Variants in CAPN11 observed in about 807,000 individuals in gnomAD.
The protein encoded by CAPN11 is calpain-11.
In CAPN11, 108 loss-of-function variants were observed where a neutral mutation model predicts 105.3. The observed-to-expected ratio is 1.03, with a 90% confidence interval of 0.88 to 1.20. CAPN11 has a LOEUF of 1.20. Ranked by LOEUF, CAPN11 falls within the 50% of genes most tolerant of loss-of-function variation. The pLI is 0.00. For missense variants in CAPN11, 883 were observed against 924.8 expected, an observed-to-expected ratio of 0.95 and a Z score of 0.59; for synonymous variants, 329 against 344.5, an observed-to-expected ratio of 0.96 and a Z score of 0.50.
intron 12 of CAPN11, among the ~76,000 whole-genome samples, chr6:44,178,500 T>G (rs895612104): frequency 6.6e-6 from 1 of 152,152 alleles, no homozygotes; most frequent in African/African-American, 2.4e-5. Context: ...GAGCATCTAC[T>G]GTGTGCCAGG....
intron 5 of CAPN11, 41 bp downstream of exon 5, chr6:44,172,461 C>G: frequency 1.6e-6 from 2 of 1,229,802 alleles, no homozygotes; most frequent in Non-Finnish European, 2.3e-6. Context: ...TTGTTGGGGG[C>G]GGGGGAAGAA....
chr6:44,160,400 G>C (rs1180890969), intron 1 of CAPN11, among the ~76,000 whole-genome samples: 2 of 152,176 alleles, frequency 1.3e-5, no homozygotes, highest in African/African-American at 4.8e-5. Flanking sequence ...GGCAGATCAC[G>C]AAGTCAGGAG....
intron 7 of CAPN11, among the ~76,000 whole-genome samples, chr6:44,175,797 T>TAGC (rs1771889764): frequency 6.6e-6 from 1 of 151,496 alleles, no homozygotes; most frequent in Admixed American, 6.6e-5. Context: ...ATAATAATAA[T>TAGC]AATTTTTAAA....
intron 1 of CAPN11, among the ~76,000 whole-genome samples, chr6:44,160,714 G>A (rs1028690710): frequency 1.3e-5 from 2 of 152,200 alleles, no homozygotes; most frequent in Non-Finnish European, 2.9e-5. Flanking sequence ...GCAGCAGAAA[G>A]CTTCCTGTCC....
intron 21 of CAPN11, 67 bp downstream of exon 21, chr6:44,183,302 C>A: frequency 1.0e-6 from 1 of 957,282 alleles, no homozygotes; most frequent in Non-Finnish European, 1.7e-6. Context: ...CAAACACCCA[C>A]CCTGATGGGT....
At chr6:44,163,531 A>C (rs958829860) in intron 1 of CAPN11, among the ~76,000 whole-genome samples, 1 of 152,136 alleles carries the variant, frequency 6.6e-6, no homozygotes, top group Non-Finnish European at 1.5e-5. Context: ...ATGCCCACCG[A>C]GTCTGAGGAA....
At chr6:44,177,052 G>A (rs1019288571) in intron 11 of CAPN11, 54 bp downstream of exon 11, 3 of 1,580,630 alleles carry the variant, frequency 1.9e-6, no homozygotes, top group Admixed American at 3.4e-5. Flanking sequence ...GATGGGCCAC[G>A]GCTCACCACG....
Position 44,179,521 on chromosome 6 carries a change from C to T in CAPN11, c.1417-98C>T. ...CTTAATACCCCTCCAACAACACACA[C>T]ACACAGACACACACTATACACATCC... On this transcript the variant is annotated intron_variant, in intron 12 of 22. Coordinates refer to ENST00000398776, the MANE Select transcript of CAPN11 (RefSeq NM_007058.4). The T allele has an allele frequency of 2.7e-6, 3 of 1,092,226 alleles. No individual in the cohort carries two copies. In the East Asian group the frequency reaches 7.0e-5, roughly 26 times the overall value. The allele number at this position is 1,092,226 out of a possible 1,614,324, so 67.7% of individuals were successfully genotyped here.
At chr6:44,179,387 A>C (rs1772748724) in intron 12 of CAPN11, among the ~76,000 whole-genome samples, 1 of 150,156 alleles carries the variant, frequency 6.7e-6, no homozygotes, top group Non-Finnish European at 1.5e-5. Context: ...TGCAGCCTTG[A>C]CCTCCAGCTC....
Position 44,183,958 on chromosome 6 carries a change from C to T in CAPN11, c.*26C>T. ...AGGCGCTGTAGGAGCCTGGTCATCT[C>T]TACCAGCAGCAGCAGCAGCGAGGTT... On this transcript the variant is annotated 3_prime_UTR_variant, in exon 23 of 23. Coordinates refer to ENST00000398776, the MANE Select transcript of CAPN11 (RefSeq NM_007058.4). The T allele has an allele frequency of 1.9e-6, 3 of 1,552,538 alleles. No individual in the cohort carries two copies. Among genetic ancestry groups the T allele is most frequent in the Non-Finnish European group, 2.6e-6 (3 of 1,147,558 alleles).
intron 9 of CAPN11, 73 bp from the exon 10 acceptor site, chr6:44,176,508 G>T (rs1302466608): frequency 7.0e-7 from 1 of 1,423,352 alleles, no homozygotes; most frequent in Non-Finnish European, 9.9e-7. Flanking sequence ...CAGGGAAGAG[G>T]CAGTCCCCTG....
At chr6:44,161,870 C>T (rs546230457) in intron 1 of CAPN11, 1 of 456,254 alleles carries the variant, frequency 2.2e-6, no homozygotes, top group Non-Finnish European at 4.4e-6. Context: ...GGTGCAAGGG[C>T]ATGGAGTGGT....
chr6:44,183,290 C>T, intron 21 of CAPN11, 55 bp downstream of exon 21: 2 of 1,084,190 alleles, frequency 1.8e-6, no homozygotes, highest in Non-Finnish European at 2.9e-6. Flanking sequence ...CGGGCCCTTT[C>T]CCAAACACCC....
chr6:44,181,209 T>A (rs1485152873), intron 18 of CAPN11, 43 bp from the exon 19 acceptor site: 3 of 1,578,004 alleles, frequency 1.9e-6, no homozygotes, highest in South Asian at 1.1e-5. Context: ...TCCCCTGGGA[T>A]GCCTTCTTCA....
chr6:44,177,619 C>G, intron 12 of CAPN11, 199 bp downstream of exon 12: 1 of 580,064 alleles, frequency 1.7e-6, no homozygotes, highest in Non-Finnish European at 3.1e-6. Flanking sequence ...TTCCCAGTAG[C>G]TGGATTACAG....
rs1307588858 is a variant in CAPN11, at chr6:44,172,921, G to A, written c.529-19G>A. On this transcript the variant is annotated intron_variant, in intron 5 of 22. Transcript: ENST00000398776. ...ATGATAGGGTTCCCACGCAAGGGGT[G>A]TGTGTTTGCTACCCACAGATTTGGC... 3.1e-6 allele frequency: 5 copies of A among 1,611,920 alleles called. No homozygotes were observed. The African/African-American group carries it at 6.7e-5, about 22-fold the overall frequency.
At chr6:44,161,116 G>A (rs1289195532) in intron 1 of CAPN11, among the ~76,000 whole-genome samples, 3 of 151,576 alleles carry the variant, frequency 2.0e-5, no homozygotes, top group Admixed American at 1.3e-4. Context: ...GCCTTCTCAC[G>A]CTCCTAGCCC....
intron 7 of CAPN11, among the ~76,000 whole-genome samples, chr6:44,174,637 T>TTTA (rs1771646277): frequency 1.1e-5 from 1 of 93,946 alleles, no homozygotes; most frequent in African/African-American, 4.2e-5. Context: ...TTTTTTTTTT[T>TTTA]GAGACAGAGT....
intron 1 of CAPN11, among the ~76,000 whole-genome samples, chr6:44,160,780 G>A (rs570793263): frequency 5.3e-5 from 8 of 152,266 alleles, no homozygotes; most frequent in South Asian, 2.1e-4. Context: ...TCAGTTACCC[G>A]CTGTCAACTG....
Sources: gnomAD v4.1 joint callset for allele counts (sites outside exome capture counted in the v4.1 genomes callset) on GRCh38, gnomAD v4.1.1 for gene constraint, MANE v1.5 for transcripts, NCBI Gene and HGNC (gene_info 2026-07-23, HGNC 2026-07-21) for gene names.